The following DRC8 variants were observed in gnomAD, a reference collection of about 807,000 sequenced individuals.
DRC8 encodes the protein dynein regulatory complex protein 8.
At chr1:244,975,177 A>G in the DRC8 span, among the ~76,000 whole-genome samples, 9 of 151,754 alleles carry the variant, frequency 5.9e-5, no homozygotes, top group Admixed American at 2.0e-4. Flanking sequence ...TGATCCGCCC[A>G]CCTCGGCCTC....
the DRC8 span, among the ~76,000 whole-genome samples, chr1:245,036,798 AC>A: frequency 6.6e-6 from 1 of 152,208 alleles, no homozygotes; most frequent in African/African-American, 2.4e-5. Flanking sequence ...ATCTGTAGAC[AC>A]ACAGATCAGT....
At chr1:245,099,939 A>G in the DRC8 span, among the ~76,000 whole-genome samples, 2 of 152,176 alleles carry the variant, frequency 1.3e-5, no homozygotes, top group African/African-American at 4.8e-5. Context: ...TCCTGTCCCC[A>G]TCTCCAGAGG....
At chr1:245,100,926 C>G in the DRC8 span, among the ~76,000 whole-genome samples, 1 of 151,876 alleles carries the variant, frequency 6.6e-6, no homozygotes, top group African/African-American at 2.4e-5. Flanking sequence ...GCTCTGTCAC[C>G]CAGGCTGGAG....
chr1:245,048,945 G>T, the DRC8 span, among the ~76,000 whole-genome samples: 28 of 151,462 alleles, frequency 1.8e-4, no homozygotes, highest in African/African-American at 6.5e-4. Flanking sequence ...TGGGACTATA[G>T]GTGTGCACCG....
chr1:245,106,515 A>G, the DRC8 span, among the ~76,000 whole-genome samples: 1 of 151,762 alleles, frequency 6.6e-6, no homozygotes, highest in Non-Finnish European at 1.5e-5. Flanking sequence ...ATATATTTAA[A>G]TTGTATATTT....
chr1:245,041,522 G>A, the DRC8 span, among the ~76,000 whole-genome samples: 1 of 152,160 alleles, frequency 6.6e-6, no homozygotes, highest in South Asian at 2.1e-4. Context: ...GGGAATGGTG[G>A]CCAGGCAAGC....
At chr1:245,102,274 G>A in the DRC8 span, among the ~76,000 whole-genome samples, 1 of 152,198 alleles carries the variant, frequency 6.6e-6, no homozygotes, top group Admixed American at 6.6e-5. Context: ...CACCTGTGGG[G>A]AAAACGATGT....
the DRC8 span, among the ~76,000 whole-genome samples, chr1:245,042,645 T>G: frequency 6.6e-6 from 1 of 152,382 alleles, no homozygotes; most frequent in African/African-American, 2.4e-5. Flanking sequence ...TGCTTTGTCC[T>G]TAGACATTTT....
chr1:245,073,098 GGGTAATAAAGA>G, the DRC8 span, among the ~76,000 whole-genome samples: 1 of 152,138 alleles, frequency 6.6e-6, no homozygotes, highest in African/African-American at 2.4e-5. Flanking sequence ...TATGAACTTT[GGGTAATAAAGA>G]GGTATCAATG....
At chr1:245,016,179 C>A in the DRC8 span, among the ~76,000 whole-genome samples, 212 of 152,168 alleles carry the variant, frequency 1.4e-3, no homozygotes, top group Middle Eastern at 0.01. Context: ...CAGGGTTTCA[C>A]CCTGTTGGCC....
chr1:245,094,655 C>A, the DRC8 span, among the ~76,000 whole-genome samples: 2 of 152,152 alleles, frequency 1.3e-5, no homozygotes, highest in Non-Finnish European at 2.9e-5. Flanking sequence ...AGTTATCTTG[C>A]GTTCCCTGCA....
chr1:245,059,915 A>G, the DRC8 span, among the ~76,000 whole-genome samples: 1 of 152,232 alleles, frequency 6.6e-6, no homozygotes, highest in Non-Finnish European at 1.5e-5. Flanking sequence ...GTCATGTGTA[A>G]TAGTGGAGGT....
the DRC8 span, among the ~76,000 whole-genome samples, chr1:245,072,312 G>C: frequency 6.6e-6 from 1 of 151,990 alleles, no homozygotes; most frequent in Admixed American, 6.5e-5. Context: ...TTTGAGACAG[G>C]GTCTCACTCT....
the DRC8 span, among the ~76,000 whole-genome samples, chr1:245,015,326 A>G: frequency 2.0e-5 from 3 of 152,212 alleles, no homozygotes; most frequent in African/African-American, 7.2e-5. Context: ...CACTCAGCCA[A>G]ACACCTTGGA....
At chr1:245,063,414 C>G in the DRC8 span, among the ~76,000 whole-genome samples, 1 of 152,174 alleles carries the variant, frequency 6.6e-6, no homozygotes, top group Non-Finnish European at 1.5e-5. Context: ...GCTCCTAGTT[C>G]AGGAGCCAAT....
chr1:245,025,434 A>G, the DRC8 span, among the ~76,000 whole-genome samples: 1 of 152,202 alleles, frequency 6.6e-6, no homozygotes, highest in Non-Finnish European at 1.5e-5. Flanking sequence ...GCACCACTTA[A>G]GCCACAAGAG....
chr1:244,999,961 G>A, the DRC8 span, among the ~76,000 whole-genome samples: 5 of 152,158 alleles, frequency 3.3e-5, no homozygotes, highest in Admixed American at 3.3e-4. Flanking sequence ...TGGGACTACA[G>A]GCATGTGCCA....
the DRC8 span, among the ~76,000 whole-genome samples, chr1:245,106,643 A>G: frequency 6.6e-6 from 1 of 152,240 alleles, no homozygotes; most frequent in African/African-American, 2.4e-5. Context: ...CTGGTTACCA[A>G]TAAATTTGGA....
chr1:244,987,205 CT>C, the DRC8 span, among the ~76,000 whole-genome samples: 265 of 144,162 alleles, frequency 1.8e-3, no homozygotes, highest in Admixed American at 1.8e-3. Context: ...GTATTTCTTT[CT>C]TTTTTTTTTT....
Sources: gnomAD v4.1 joint callset for allele counts (sites outside exome capture counted in the v4.1 genomes callset) on GRCh38, gnomAD v4.1.1 for gene constraint, MANE v1.5 for transcripts, NCBI Gene and HGNC (gene_info 2026-07-23, HGNC 2026-07-21) for gene names.